NSG2: variants seen among roughly 807,000 people sequenced by gnomAD.
NSG2 encodes neuronal vesicle trafficking-associated protein 2.
In NSG2, 4 loss-of-function variants were observed where a neutral mutation model predicts 16.9. That is an observed-to-expected ratio of 0.24 (90% confidence interval 0.12 to 0.54). The LOEUF (loss-of-function observed/expected upper bound fraction) is 0.54, where lower values mean the gene tolerates loss of function less well. NSG2 is among the 20% of genes least tolerant of loss of function. NSG2 has a pLI of 0.95. For missense variants in NSG2, 179 were observed against 221.1 expected, an observed-to-expected ratio of 0.81 and a Z score of 1.21; for synonymous variants, 98 against 88.7, an observed-to-expected ratio of 1.11 and a Z score of -0.59.
intron 2 of NSG2, among the ~76,000 whole-genome samples, chr5:174,049,379 C>A (rs1759851945): frequency 6.6e-6 from 1 of 152,098 alleles, no homozygotes; most frequent in African/African-American, 2.4e-5. Context: ...AAACAAACTA[C>A]AAGAGAATAG....
intron 3 of NSG2, among the ~76,000 whole-genome samples, chr5:174,100,993 C>A (rs1396165533): frequency 6.6e-6 from 1 of 152,258 alleles, no homozygotes; most frequent in Non-Finnish European, 1.5e-5. Context: ...AGCTTTCCAG[C>A]AGCTCCCTCA....
intron 3 of NSG2, among the ~76,000 whole-genome samples, chr5:174,087,070 T>C (rs17076831): frequency 0.026 from 3,994 of 152,310 alleles, 167 homozygotes; most frequent in African/African-American, 0.091. Flanking sequence ...TCCTGAATTA[T>C]TGCTCATATA....
chr5:174,067,731 G>A (rs752420557), intron 3 of NSG2, among the ~76,000 whole-genome samples: 1 of 152,236 alleles, frequency 6.6e-6, no homozygotes, highest in African/African-American at 2.4e-5. Flanking sequence ...GGGAGGAGGC[G>A]TGGAGGTAAT....
intron 2 of NSG2, among the ~76,000 whole-genome samples, chr5:174,050,369 G>A (rs1214503974): frequency 6.6e-6 from 1 of 152,146 alleles, no homozygotes; most frequent in East Asian, 1.9e-4. Context: ...GTCCTCTCGT[G>A]GAACGTGTCT....
chr5:174,056,723 G>A (rs1251019595), intron 2 of NSG2: 1 of 152,198 alleles, frequency 6.6e-6, no homozygotes, highest in African/African-American at 2.4e-5. Flanking sequence ...TTTTTGGACT[G>A]TGCAAGTCCA....
At chr5:174,081,355 TC>T (rs879274354) in intron 3 of NSG2, among the ~76,000 whole-genome samples, 4 of 152,184 alleles carry the variant, frequency 2.6e-5, no homozygotes, top group East Asian at 1.9e-4. Flanking sequence ...GATGTTTTTT[TC>T]CCCCCCAAAT....
At position 174,107,254 on chromosome 5, in the gene NSG2, G is replaced by T. The variant is rs375447190; in HGVS notation, c.325-60G>T. 2.3e-4 allele frequency: 331 copies of T among 1,443,410 alleles called. No individual in the cohort carries two copies. In the African/African-American group the frequency reaches 4.4e-3, roughly 19 times the overall value. 89.4% of individuals were successfully genotyped at this position (1,443,410 alleles called of 1,614,324 possible). A position where few individuals can be genotyped will look rare whatever the true frequency, so the allele number is the denominator to read the frequency against. ...GCACTCCAGTCAGGGTGGCTGTGTT[G>T]CTGGGCAGGTTGGGAGCAGTTTGCT... On this transcript the variant is annotated intron_variant, in intron 4 of 4. Transcript: ENST00000303177. This position sits in a 1 kb window ranked among gnomAD's most constrained non-coding sequence, Gnocchi z 4.5.
At chr5:174,091,627 T>G (rs1404845863) in intron 3 of NSG2, among the ~76,000 whole-genome samples, 1 of 149,446 alleles carries the variant, frequency 6.7e-6, no homozygotes, top group Non-Finnish European at 1.5e-5. Context: ...AGCCTAGAAC[T>G]TTCAGGAACT....
chr5:174,087,899 G>T (rs1253594920), intron 3 of NSG2, among the ~76,000 whole-genome samples: 3 of 152,028 alleles, frequency 2.0e-5, no homozygotes, highest in Non-Finnish European at 2.9e-5. Context: ...GGATATGAGA[G>T]CACAGCCCAC....
chr5:174,080,919 C>G (rs1348594232), intron 3 of NSG2, among the ~76,000 whole-genome samples: 3 of 152,010 alleles, frequency 2.0e-5, no homozygotes, highest in African/African-American at 7.2e-5. Context: ...AGACTTTCAT[C>G]ACTTTCAGTT....
rs1761029143 is a variant in NSG2 at position 174,109,105 on chromosome 5, A to C, written c.*1600A>C. On this transcript the variant is annotated 3_prime_UTR_variant, in exon 5 of 5. Transcript: ENST00000303177. ...TGGTGTATTTTTGTCAGTAGGTAGC[A>C]GAGGCGGAAGTATTTTTTGGTGTAA... 1 of 152,832 alleles carries C rather than the reference A, an allele frequency of 6.5e-6. No homozygotes were observed. The highest frequency in any genetic ancestry group is 6.5e-5 in the Admixed American group (1 of 15,288). 9.5% of individuals were successfully genotyped at this position (152,832 alleles called of 1,614,324 possible). A position where few individuals can be genotyped will look rare whatever the true frequency, so the allele number is the denominator to read the frequency against.
chr5:174,108,005 T>C lies in NSG2; in HGVS notation c.*500T>C, dbSNP rs1761013056. On this transcript the variant is annotated 3_prime_UTR_variant, in exon 5 of 5. Coordinates refer to ENST00000303177, the MANE Select transcript of NSG2 (RefSeq NM_015980.5). Reference sequence around the variant, plus strand: ...CCGGGACTATTCCATTAGCCTGTGGTCTGCAGGGTAGGCCCGCAGGAAATG... The same window carrying C: ...CCGGGACTATTCCATTAGCCTGTGGCCTGCAGGGTAGGCCCGCAGGAAATG... The C allele has an allele frequency of 1.2e-5, 4 of 330,818 alleles. No individual in the cohort carries two copies. Among genetic ancestry groups the C allele is most frequent in the Non-Finnish European group, 2.3e-5 (4 of 170,666 alleles). The allele number at this position is 330,818 out of a possible 1,614,324, so 20.5% of individuals were successfully genotyped here. A position where few individuals can be genotyped will look rare whatever the true frequency, so the allele number is the denominator to read the frequency against.
Position 174,072,098 on chromosome 5 carries a change from C to T in NSG2, c.213+7783C>T, listed in dbSNP as rs926084914. Among the ~76,000 whole-genome samples the T allele has an allele frequency of 1.3e-5, 2 of 152,180 alleles. No individual in the cohort carries two copies. Among genetic ancestry groups the T allele is most frequent in the Admixed American group, 1.3e-4 (2 of 15,282 alleles). On this transcript the variant is annotated intron_variant, in intron 3 of 4. Transcript: ENST00000303177. This position sits in a 1 kb window ranked among gnomAD's most constrained non-coding sequence, Gnocchi z 4.0. ...AGCAGCCATAGAGCCAGGCCCCTCT[C>T]CCTCTGGAAGTCTCTAGTGACTGTC... is the stretch of plus-strand genomic sequence containing the variant.
chr5:174,081,046 G>A (rs1414101707), intron 3 of NSG2, among the ~76,000 whole-genome samples: 1 of 151,176 alleles, frequency 6.6e-6, no homozygotes, highest in Non-Finnish European at 1.5e-5. Context: ...TTTTAACTGG[G>A]TATTATTTAT....
rs191671254 is a variant in NSG2 at position 174,062,207 on chromosome 5, A to T, written c.130-2025A>T. On this transcript the variant is annotated intron_variant, in intron 2 of 4. Coordinates refer to ENST00000303177, the MANE Select transcript of NSG2 (RefSeq NM_015980.5). Reference sequence around the variant, plus strand: ...ATTTTATAGATGAGAAAATCAAGACACAGAAGGCATCATCAACTCACCCAA... The same window carrying T: ...ATTTTATAGATGAGAAAATCAAGACTCAGAAGGCATCATCAACTCACCCAA... 9.5e-4 allele frequency among the ~76,000 whole-genome samples: 144 copies of T among 152,264 alleles called. 1 individual carries two copies. The highest frequency in any genetic ancestry group is 3.4e-3 in the Middle Eastern group (1 of 294).
In NSG2 at chr5:174,054,448, A is replaced by G. The variant is rs181944917; in HGVS notation, c.129+7564A>G. Among the ~76,000 whole-genome samples, 143 of 152,284 alleles carry G rather than the reference A, an allele frequency of 9.4e-4. 1 individual carries two copies. The highest frequency in any genetic ancestry group is 3.3e-3 in the South Asian group (16 of 4,828). Reference sequence around the variant, plus strand: ...AGCTGGAGTGTAGTGGTGTGATTGTACATAGCTCCCTGCAGTCGCGAACTC... The same window carrying G: ...AGCTGGAGTGTAGTGGTGTGATTGTGCATAGCTCCCTGCAGTCGCGAACTC... On this transcript the variant is annotated intron_variant, in intron 2 of 4. Coordinates refer to ENST00000303177, the MANE Select transcript of NSG2 (RefSeq NM_015980.5).
chr5:174,076,776 A>G (rs969026260), intron 3 of NSG2, among the ~76,000 whole-genome samples: 2 of 152,196 alleles, frequency 1.3e-5, no homozygotes, highest in African/African-American at 4.8e-5. Context: ...AGCTGGGGGT[A>G]GGGATGCTAT....
At position 174,057,823 on chromosome 5, in the gene NSG2, G is replaced by A. The variant is rs116691214; in HGVS notation, c.130-6409G>A. On this transcript the variant is annotated intron_variant, in intron 2 of 4. Transcript: ENST00000303177. The stretch of plus-strand genomic sequence containing the variant: ...TAGTTGCCTCAGGTGCTGGCCTCCC[G>A]GATGTCTTCTGAAGGTTTGCTGGTA... Among the ~76,000 whole-genome samples the A allele has an allele frequency of 5.6e-3, 857 of 152,180 alleles. 6 individuals carry two copies. The highest frequency in any genetic ancestry group is 0.02 in the African/African-American group (817 of 41,524).
At chr5:174,067,646 CT>C (rs1040643531) in intron 3 of NSG2, among the ~76,000 whole-genome samples, 1 of 152,196 alleles carries the variant, frequency 6.6e-6, no homozygotes, top group Non-Finnish European at 1.5e-5. Flanking sequence ...TGGTTTTTCA[CT>C]TTCTTAAAGA....
Sources: gnomAD v4.1 joint callset for allele counts (sites outside exome capture counted in the v4.1 genomes callset) on GRCh38, gnomAD v4.1.1 for gene constraint, Gnocchi (gnomAD v3.1) non-coding constraint, MANE v1.5 for transcripts, NCBI Gene and HGNC (gene_info 2026-07-23, HGNC 2026-07-21) for gene names.